Variants in C8orf34 observed in about 807,000 individuals in gnomAD.
C8orf34 encodes the protein uncharacterized protein C8orf34.
In C8orf34, 65 loss-of-function variants were observed where a neutral mutation model predicts 68.3. The observed-to-expected ratio is 0.95, with a 90% CI of 0.78 to 1.17. The LOEUF (loss-of-function observed/expected upper bound fraction) is 1.17. C8orf34 is among the 50% of genes most tolerant of loss of function. The probability of loss-of-function intolerance (pLI) is 0.00; values close to 1 mark genes in which losing one functional copy is unlikely to be tolerated. For missense variants in C8orf34, 664 were observed against 655.4 expected (o/e 1.01, Z -0.14); for synonymous variants, 244 against 241.2 (o/e 1.01, Z -0.11).
intron 7 of C8orf34, among the ~76,000 whole-genome samples, chr8:68,572,578 C>T (rs141705378): frequency 2.4e-3 from 369 of 151,792 alleles, no homozygotes; most frequent in African/African-American, 8.0e-3. Context: ...AAATAAAATT[C>T]CATATCATTT....
chr8:68,708,847 G>A (rs1821249828), intron 8 of C8orf34, 147 bp from the exon 9 acceptor site: 3 of 665,334 alleles, frequency 4.5e-6, no homozygotes, highest in Non-Finnish European at 7.9e-6. Context: ...ATATTAAAAT[G>A]GCTTTAGTGA....
At chr8:68,622,573 A>C (rs1248407606) in intron 7 of C8orf34, among the ~76,000 whole-genome samples, 2 of 152,204 alleles carry the variant, frequency 1.3e-5, no homozygotes, top group Non-Finnish European at 2.9e-5. Context: ...CTTTCATAAT[A>C]GCAAAGGCAT....
chr8:68,397,092 C>G (rs915545412), intron 1 of C8orf34, among the ~76,000 whole-genome samples: 9 of 151,962 alleles, frequency 5.9e-5, no homozygotes, highest in African/African-American at 1.9e-4. Flanking sequence ...CCGCATCCTC[C>G]ATCTCCCAAG....
intron 4 of C8orf34, among the ~76,000 whole-genome samples, 154 bp from the exon 5 acceptor site, chr8:68,487,869 A>G (rs1215225630): frequency 6.6e-6 from 1 of 152,196 alleles, no homozygotes; most frequent in Non-Finnish European, 1.5e-5. Flanking sequence ...TTCATTGGTA[A>G]AAGGATGTGC....
At chr8:68,664,000 C>T (rs770611284) in intron 8 of C8orf34, among the ~76,000 whole-genome samples, 14 of 151,978 alleles carry the variant, frequency 9.2e-5, no homozygotes, top group African/African-American at 1.7e-4. Flanking sequence ...TTTATGTCAC[C>T]GGAAGGGGAA....
Position 68,403,743 on chromosome 8 carries a change from A to G in C8orf34, c.328-35756A>G, listed in dbSNP as rs1586064261. 3.9e-5 allele frequency among the ~76,000 whole-genome samples: 6 copies of G among 152,294 alleles called. 1 individual carries two copies. Among genetic ancestry groups the G allele is most frequent in the Admixed American group, 3.9e-4 (6 of 15,296 alleles). ...CTTTTTTATGGCTGCATAGTATTCC[A>G]TGGTGTATATGTGCCACATTTTCTT... On this transcript the variant is annotated intron_variant, in intron 1 of 13. Coordinates refer to ENST00000518698, the MANE Select transcript of C8orf34 (RefSeq NM_052958.4).
At position 68,468,753 on chromosome 8, in the gene C8orf34, T is replaced by G; in HGVS notation, c.669T>G (p.Phe223Leu). 6.2e-7 allele frequency: 1 copy of G among 1,612,818 alleles called. No individual in the cohort carries two copies. The highest frequency in any genetic ancestry group is 8.5e-7 in the Non-Finnish European group (1 of 1,179,180). The change falls in exon 4 of 14, where the codon TTT becomes TTG. Residue 223 changes from phenylalanine to leucine, a missense_variant. By Grantham distance (22) the Phe-to-Leu change is conservative (BLOSUM62 0). Transcript: ENST00000518698. Reference sequence around the variant, plus strand: ...GGACTAAACCACAAAGCCGTGATTTTGATGAATTGAATCACATCCTTCAGG... The same window carrying G: ...GGACTAAACCACAAAGCCGTGATTTGGATGAATTGAATCACATCCTTCAGG... Reference protein sequence around the residue: ...NWRTKPQSRDFDELNHILQES... With the variant: ...NWRTKPQSRDLDELNHILQES...
intron 7 of C8orf34, among the ~76,000 whole-genome samples, chr8:68,598,323 C>T (rs1161309328): frequency 2.6e-5 from 4 of 152,088 alleles, no homozygotes; most frequent in Non-Finnish European, 4.4e-5. Context: ...GTGAGATATA[C>T]GATATTCTAG....
chr8:68,808,840 T>A (rs1271408855), intron 12 of C8orf34, among the ~76,000 whole-genome samples: 1 of 152,160 alleles, frequency 6.6e-6, no homozygotes, highest in Admixed American at 6.5e-5. Flanking sequence ...GTCTTTTGCT[T>A]ATTATTAGGT....
At chr8:68,710,788 T>C (rs1452947314) in intron 9 of C8orf34, among the ~76,000 whole-genome samples, 1 of 152,182 alleles carries the variant, frequency 6.6e-6, no homozygotes, top group African/African-American at 2.4e-5. Context: ...CAGGTGTTCC[T>C]AGGGCAAGTT....
intron 1 of C8orf34, among the ~76,000 whole-genome samples, chr8:68,368,638 C>G (rs1180548054): frequency 1.3e-5 from 2 of 152,066 alleles, no homozygotes; most frequent in African/African-American, 4.8e-5. Flanking sequence ...GTTTTCTTCT[C>G]TCAATAGTTG....
intron 13 of C8orf34, among the ~76,000 whole-genome samples, chr8:68,816,601 T>A (rs1824826914): frequency 6.6e-6 from 1 of 152,278 alleles, no homozygotes; most frequent in East Asian, 1.9e-4. Flanking sequence ...TCACCCAGAC[T>A]CTACATAAAC....
intron 7 of C8orf34, among the ~76,000 whole-genome samples, chr8:68,537,571 T>C (rs1815531415): frequency 2.0e-5 from 3 of 147,000 alleles, no homozygotes. Context: ...AAAAATGAAC[T>C]GCTTAGAGTA....
chr8:68,719,745 A>T (rs977073491), intron 9 of C8orf34, among the ~76,000 whole-genome samples: 40 of 151,946 alleles, frequency 2.6e-4, no homozygotes, highest in African/African-American at 9.4e-4. Flanking sequence ...ATCCATGAGA[A>T]GGTGGATTTT....
At chr8:68,699,985 A>G (rs1820940985) in intron 8 of C8orf34, among the ~76,000 whole-genome samples, 1 of 152,074 alleles carries the variant, frequency 6.6e-6, no homozygotes, top group African/African-American at 2.4e-5. Context: ...AAATGTTCAG[A>G]GGTTCTTGCG....
chr8:68,622,794 G>A (rs767372637), intron 7 of C8orf34, among the ~76,000 whole-genome samples: 2 of 152,148 alleles, frequency 1.3e-5, no homozygotes, highest in African/African-American at 4.8e-5. Context: ...TAGCCACAGG[G>A]AACAAAAATT....
Position 68,446,722 on chromosome 8 carries a change from G to A in C8orf34, c.607+262G>A, listed in dbSNP as rs531767729. 21 of 414,272 alleles carry A rather than the reference G, an allele frequency of 5.1e-5. No homozygotes were observed. In the South Asian group the frequency reaches 8.1e-4, roughly 16 times the overall value. 25.7% of individuals were successfully genotyped at this position (414,272 alleles called of 1,614,324 possible). On this transcript the variant is annotated intron_variant, in intron 3 of 13. Transcript: ENST00000518698. ...TTGAAGAATATAAACTGCATGGAGC[G>A]GGTCTCTTGTTTCTCATAGCCAATT...
At chr8:68,336,646 C>G (rs1350507873) in intron 1 of C8orf34, among the ~76,000 whole-genome samples, 1 of 152,122 alleles carries the variant, frequency 6.6e-6, no homozygotes, top group East Asian at 1.9e-4. Context: ...CCAACTCTGT[C>G]TACTGGAAGG....
chr8:68,367,922 A>AAAAAAAAAAAAAAAAAAAAAAAAAAT (rs1807373272), intron 1 of C8orf34, among the ~76,000 whole-genome samples: 1 of 145,574 alleles, frequency 6.9e-6, no homozygotes, highest in Non-Finnish European at 1.5e-5. Context: ...GAAAAAAAAA[A>AAAAAAAAAAAAAAAAAAAAAAAAAAT]AAAAAAAAAA....
Sources: gnomAD v4.1 joint callset for allele counts (sites outside exome capture counted in the v4.1 genomes callset) on GRCh38, gnomAD v4.1.1 for gene constraint, MANE v1.5 for transcripts, NCBI Gene and HGNC (gene_info 2026-07-23, HGNC 2026-07-21) for gene names.